Variants in PCDHGC3 observed in about 807,000 individuals in gnomAD.
PCDHGC3 encodes the protein protocadherin gamma subfamily C, 3.
PCDHGC3 carries 26 observed loss-of-function variants against 59.2 expected under a neutral mutation model. The ratio of observed to expected loss-of-function variants is 0.44; its 90% CI spans 0.32 to 0.61. The LOEUF (loss-of-function observed/expected upper bound fraction) is 0.61, where lower values mean the gene tolerates loss of function less well. Among genes scored for constraint, PCDHGC3 ranks in the 20% least tolerant of loss-of-function variants. PCDHGC3 has a pLI of 0.05. For missense variants in PCDHGC3, 1,080 were observed against 1,221.8 expected (o/e 0.88, Z 1.73); for synonymous variants, 487 against 519.7 (o/e 0.94, Z 0.86).
intron 2 of PCDHGC3, among the ~76,000 whole-genome samples, chr5:141,500,231 C>T (rs992215482): frequency 1.4e-5 from 2 of 138,098 alleles, no homozygotes; most frequent in East Asian, 4.1e-4. Context: ...TTTATTGATA[C>T]GTAGCCTTGC....
rs1408454981 is a variant in PCDHGC3, at chr5:141,489,682, T to C, written c.2431-5125T>C. The C allele has an allele frequency of 6.2e-7, 1 of 1,614,184 alleles. No individual in the cohort carries two copies. The highest frequency in any genetic ancestry group is 8.5e-7 in the Non-Finnish European group (1 of 1,180,024). On this transcript the variant is annotated intron_variant, in intron 1 of 3. Transcript: ENST00000308177. This position sits in a 1 kb window ranked among gnomAD's most constrained non-coding sequence, Gnocchi z 4.5. ...GATGCGCATCTCAGAATCAGCAGCATCTGGGGCACGATTCCCACTGGACAG... is the reference window on the plus strand; with the variant it reads ...GATGCGCATCTCAGAATCAGCAGCACCTGGGGCACGATTCCCACTGGACAG...
intron 2 of PCDHGC3, among the ~76,000 whole-genome samples, chr5:141,500,359 C>T (rs2099799599): frequency 6.6e-6 from 1 of 152,032 alleles, no homozygotes; most frequent in Non-Finnish European, 1.5e-5. Flanking sequence ...CAGGCGCCCA[C>T]TACCACGCCC....
In PCDHGC3 at chr5:141,491,561, A is replaced by G. The variant is rs1289732955; in HGVS notation, c.2431-3246A>G. ...CCCACAGACTCGCAGAGCCACTGCT[A>G]CAGGACGTGCTTTTCACCGGCCTCG... On this transcript the variant is annotated intron_variant, in intron 1 of 3. Transcript: ENST00000308177. The surrounding 1 kb of genome is among the most constrained non-coding windows in gnomAD (Gnocchi z 6.9). The G allele has an allele frequency of 6.2e-7, 1 of 1,613,938 alleles. No homozygotes were observed. Among genetic ancestry groups the G allele is most frequent in the Non-Finnish European group, 8.5e-7 (1 of 1,180,018 alleles).
At chr5:141,495,910 A>C (rs2154591812) in intron 2 of PCDHGC3, among the ~76,000 whole-genome samples, 1 of 151,278 alleles carries the variant, frequency 6.6e-6, no homozygotes, top group East Asian at 1.9e-4. Flanking sequence ...GTCTCTGTAT[A>C]TCTTTCTTTG....
intron 1 of PCDHGC3, among the ~76,000 whole-genome samples, chr5:141,480,216 C>T (rs1055544952): frequency 1.9e-4 from 28 of 147,036 alleles, no homozygotes; most frequent in Non-Finnish European, 3.6e-4. Flanking sequence ...CCAGCCTGAG[C>T]GACATAGTGA....
At chr5:141,500,473 T>C (rs911171031) in intron 2 of PCDHGC3, among the ~76,000 whole-genome samples, 10 of 152,132 alleles carry the variant, frequency 6.6e-5, no homozygotes, top group Admixed American at 4.6e-4. Flanking sequence ...CCTCCCAAAG[T>C]GCTGGGATTA....
In PCDHGC3 at chr5:141,489,782, A is replaced by C. The variant is rs770399288; in HGVS notation, c.2431-5025A>C. On this transcript the variant is annotated intron_variant, in intron 1 of 3. Coordinates refer to ENST00000308177, the MANE Select transcript of PCDHGC3 (RefSeq NM_002588.4). The surrounding 1 kb of genome is among the most constrained non-coding windows in gnomAD (Gnocchi z 4.5). ...AGCCCCAACAGCCACTTCTCTCTGA[A>C]TGTGAAGACCCTAAAAGATGGGAAG... 2 of 1,614,078 alleles carry C rather than the reference A, an allele frequency of 1.2e-6. No homozygotes were observed. The highest frequency in any genetic ancestry group is 2.2e-5 in the East Asian group (1 of 44,894).
intron 1 of PCDHGC3, among the ~76,000 whole-genome samples, chr5:141,483,255 G>T (rs1383670642): frequency 1.3e-5 from 2 of 152,030 alleles, no homozygotes; most frequent in African/African-American, 2.4e-5. Context: ...ATATCATGAG[G>T]TTTTTTTGTT....
In PCDHGC3 at chr5:141,476,245, G is replaced by C; in HGVS notation, c.129G>C (p.Lys43Asn). 3.1e-6 allele frequency: 5 copies of C among 1,614,086 alleles called. No homozygotes were observed. The highest frequency in any genetic ancestry group is 3.4e-6 in the Non-Finnish European group (4 of 1,180,026). The change falls in exon 1 of 4, where the codon AAG becomes AAC. Residue 43 changes from lysine to asparagine, a missense_variant. Physicochemically the swap from Lys to Asn is moderately conservative, Grantham distance 94. Transcript: ENST00000308177. This position sits in a 1 kb window ranked among gnomAD's most constrained non-coding sequence, Gnocchi z 7.6. The stretch of plus-strand genomic sequence containing the variant: ...ATGAGATCCCGGAGGAAAGAGAGAA[G>C]GGTTTCGCTGTGGGCAACGTGGTCG... Reference protein sequence around the residue: ...IHYEIPEEREKGFAVGNVVAN... With the variant: ...IHYEIPEERENGFAVGNVVAN...
chr5:141,487,455 A>G lies in PCDHGC3; in HGVS notation c.2431-7352A>G, dbSNP rs751456631. 6.2e-7 allele frequency: 1 copy of G among 1,614,122 alleles called. No individual in the cohort carries two copies. The highest frequency in any genetic ancestry group is 8.5e-7 in the Non-Finnish European group (1 of 1,180,032). On this transcript the variant is annotated intron_variant, in intron 1 of 3. Coordinates refer to ENST00000308177, the MANE Select transcript of PCDHGC3 (RefSeq NM_002588.4). The surrounding 1 kb of genome is among the most constrained non-coding windows in gnomAD (Gnocchi z 5.0). ...CAGCTAGGGTCAGATGACCCTATCA[A>G]GTTTGTTGATGTGGGAGGCCACTCT...
rs759191157 is a variant in PCDHGC3, at chr5:141,485,768, C to T, written c.2430+7222C>T. Reference sequence around the variant, plus strand: ...GGTCCCAGAGCTGCTCCTGGAGAAGCCTTTGGATCGAGAGAAGCAATCGGA... The same window carrying T: ...GGTCCCAGAGCTGCTCCTGGAGAAGTCTTTGGATCGAGAGAAGCAATCGGA... On this transcript the variant is annotated intron_variant, in intron 1 of 3. Transcript: ENST00000308177. This position sits in a 1 kb window ranked among gnomAD's most constrained non-coding sequence, Gnocchi z 5.7. The T allele has an allele frequency of 5.6e-6, 9 of 1,614,074 alleles. No individual in the cohort carries two copies. The highest frequency in any genetic ancestry group is 1.7e-5 in the Admixed American group (1 of 60,000).
intron 2 of PCDHGC3, among the ~76,000 whole-genome samples, chr5:141,495,587 C>T (rs1391263118): frequency 6.6e-6 from 1 of 152,238 alleles, no homozygotes. Context: ...TTCTCCATCT[C>T]TGTCTTAGCT....
chr5:141,501,326 CA>C (rs1562200763), intron 2 of PCDHGC3, among the ~76,000 whole-genome samples: 18 of 151,784 alleles, frequency 1.2e-4, no homozygotes, highest in African/African-American at 1.9e-4. Flanking sequence ...CACACACACA[CA>C]CACACACCCC....
Position 141,497,143 on chromosome 5 carries a change from G to GA in PCDHGC3, c.2489+2287dup, listed in dbSNP as rs928640875. ...AGAGGTTGCAGTGAGCTGAGATCAC[G>GA]AAAAAAAAATAATCTAGCCACAAAT... On this transcript the variant is annotated intron_variant, in intron 2 of 3. Coordinates refer to ENST00000308177, the MANE Select transcript of PCDHGC3 (RefSeq NM_002588.4). 1.3e-3 allele frequency among the ~76,000 whole-genome samples: 194 copies of GA among 150,104 alleles called. 4 individuals are homozygous for GA. The highest frequency in any genetic ancestry group is 7.6e-3 in the Admixed American group (115 of 15,100).
rs770862398 is a variant in PCDHGC3, at chr5:141,478,141, C to T, written c.2025C>T (p.Ala675=). 6.2e-7 allele frequency: 1 copy of T among 1,614,044 alleles called. No homozygotes were observed. Among genetic ancestry groups the T allele is most frequent in the Non-Finnish European group, 8.5e-7 (1 of 1,180,030 alleles). ...SVTEDSPEAR[A]EFPSGSAPRE... is the part of the protein sequence containing the mutation. ...CCGAGGACTCTCCTGAAGCCCGAGCCGAGTTCCCCTCTGGCTCTGCCCCCC... is the reference window on the plus strand; with the variant it reads ...CCGAGGACTCTCCTGAAGCCCGAGCTGAGTTCCCCTCTGGCTCTGCCCCCC... Residue 675 remains alanine (A), a synonymous_variant, in exon 1 of 4, where the codon GCC becomes GCT. Coordinates refer to ENST00000308177, the MANE Select transcript of PCDHGC3 (RefSeq NM_002588.4).
At position 141,490,207 on chromosome 5, in the gene PCDHGC3, C is replaced by G. The variant is rs142098675; in HGVS notation, c.2431-4600C>G. ...TTTCTATGAAATTCATGCAAGAGCC[C>G]GTGACCAGGGACAGCCTGCCATGGA... On this transcript the variant is annotated intron_variant, in intron 1 of 3. Coordinates refer to ENST00000308177, the MANE Select transcript of PCDHGC3 (RefSeq NM_002588.4). This position sits in a 1 kb window ranked among gnomAD's most constrained non-coding sequence, Gnocchi z 5.4. 2.9e-4 allele frequency: 470 copies of G among 1,614,056 alleles called. 1 individual carries two copies. Among genetic ancestry groups the G allele is most frequent in the Non-Finnish European group, 3.7e-4 (439 of 1,180,030 alleles).
At chr5:141,506,103 C>T (rs1001709380) in intron 3 of PCDHGC3, among the ~76,000 whole-genome samples, 2 of 152,144 alleles carry the variant, frequency 1.3e-5, no homozygotes, top group Admixed American at 1.3e-4. Context: ...GTGGTTGTCC[C>T]TGAAGAGTCA....
chr5:141,489,864 T>G lies in PCDHGC3; in HGVS notation c.2431-4943T>G, dbSNP rs1274301673. ...TGGATCGTGAAGCCCAGGCAAGACA[T>G]CAGCTGGTGCTTACTGCTGTGGATG... On this transcript the variant is annotated intron_variant, in intron 1 of 3. Coordinates refer to ENST00000308177, the MANE Select transcript of PCDHGC3 (RefSeq NM_002588.4). This position sits in a 1 kb window ranked among gnomAD's most constrained non-coding sequence, Gnocchi z 4.5. 5 of 1,614,064 alleles carry G rather than the reference T, an allele frequency of 3.1e-6. No individual in the cohort carries two copies. The highest frequency in any genetic ancestry group is 3.4e-6 in the Non-Finnish European group (4 of 1,180,022).
chr5:141,476,562 C>A lies in PCDHGC3; in HGVS notation c.446C>A (p.Ala149Asp). Residue 149 changes from alanine (A) to aspartate (D), a missense_variant, in exon 1 of 4, where the codon GCT (alanine) becomes GAT (aspartate). By Grantham distance (126) the Ala-to-Asp change is moderately radical. Transcript: ENST00000308177. This position sits in a 1 kb window ranked among gnomAD's most constrained non-coding sequence, Gnocchi z 7.6. ...AAATTGGAGATTAGCGAGGCCGTGG[C>A]TCCGGGGACGCGCTTTCCGCTCGAG... ...EMKLEISEAV[A>D]PGTRFPLESA... 1 of 1,614,218 alleles carries A rather than the reference C, an allele frequency of 6.2e-7. No homozygotes were observed. The highest frequency in any genetic ancestry group is 8.5e-7 in the Non-Finnish European group (1 of 1,180,034).
Sources: gnomAD v4.1 joint callset for allele counts (sites outside exome capture counted in the v4.1 genomes callset) on GRCh38, gnomAD v4.1.1 for gene constraint, Gnocchi (gnomAD v3.1) non-coding constraint, MANE v1.5 for transcripts, NCBI Gene and HGNC (gene_info 2026-07-23, HGNC 2026-07-21) for gene names.